The following KDM1A variants were observed in gnomAD, a reference collection of about 807,000 sequenced individuals.
KDM1A encodes lysine demethylase 1A.
Under a neutral mutation model 109.4 loss-of-function variants are expected in KDM1A, and 49 were observed. The observed-to-expected ratio is 0.45, with a 90% CI of 0.36 to 0.57. KDM1A has a LOEUF of 0.57. Among genes scored for constraint, KDM1A ranks in the 20% least tolerant of loss-of-function variants. KDM1A has a pLI of 0.00. For synonymous variants in KDM1A, 380 were observed against 415.4 expected (o/e 0.91, Z 1.04); for missense variants, 668 against 1,116.6 (o/e 0.60, Z 5.73).
At chr1:23,043,803 A>T (rs1642424317) in intron 2 of KDM1A, among the ~76,000 whole-genome samples, 1 of 152,180 alleles carries the variant, frequency 6.6e-6, no homozygotes, top group African/African-American at 2.4e-5. Context: ...TCTCTGTGTT[A>T]CCACAAGTGT....
intron 2 of KDM1A, among the ~76,000 whole-genome samples, chr1:23,032,105 T>C (rs1214265929): frequency 1.3e-5 from 2 of 152,188 alleles, no homozygotes; most frequent in African/African-American, 2.4e-5. Context: ...CTACCTTTGC[T>C]GTAGACCTGC....
rs1643683669 is a variant in KDM1A, at chr1:23,083,549, A to G, written c.*185A>G. 1 of 494,648 alleles carries G rather than the reference A, an allele frequency of 2.0e-6. No homozygotes were observed. The highest frequency in any genetic ancestry group is 3.6e-6 in the Non-Finnish European group (1 of 281,554). 30.6% of individuals were successfully genotyped at this position (494,648 alleles called of 1,614,324 possible). On this transcript the variant is annotated 3_prime_UTR_variant, in exon 21 of 21. Coordinates refer to ENST00000400181, the MANE Select transcript of KDM1A (RefSeq NM_001009999.3). ...TGAATGACCTAGAGCACAGGGAGGAACTTGTCCATTAGTTTGGAATTGTGT... is the reference window on the plus strand; with the variant it reads ...TGAATGACCTAGAGCACAGGGAGGAGCTTGTCCATTAGTTTGGAATTGTGT...
chr1:23,030,621 T>A lies in KDM1A; in HGVS notation c.504T>A (p.Pro168=). ...CTGAGGAAGAAAATGAAAGTGAGCC[T>A]GAAGAACCATCGGGTGAGTTGTAGT... The part of the protein sequence containing the change: ...APPEEENESE[P]EEPSGQAGGL... Residue 168 remains proline, a synonymous_variant, in exon 2 of 21, where the codon CCT becomes CCA. Coordinates refer to ENST00000400181, the MANE Select transcript of KDM1A (RefSeq NM_001009999.3). The A allele has an allele frequency of 1.3e-6, 2 of 1,562,448 alleles. No homozygotes were observed. Among genetic ancestry groups the A allele is most frequent in the East Asian group, 2.3e-5 (1 of 43,390 alleles).
In KDM1A at chr1:23,083,672, A is replaced by AAAC; in HGVS notation, c.*309_*311dup. The AAAC allele has an allele frequency of 4.7e-6, 1 of 212,048 alleles. No individual in the cohort carries two copies. Among genetic ancestry groups the AAAC allele is most frequent in the Non-Finnish European group, 9.3e-6 (1 of 107,808 alleles). The allele number at this position is 212,048 out of a possible 1,614,324, so 13.1% of individuals were successfully genotyped here. On this transcript the variant is annotated 3_prime_UTR_variant, in exon 21 of 21. Transcript: ENST00000400181. ...GTTTTTTTTTTATATTTTGAGAATA[A>AAAC]AACTTCATATAAAATTGGCCCTCTC... is the stretch of plus-strand genomic sequence containing the variant.
intron 9 of KDM1A, among the ~76,000 whole-genome samples, chr1:23,063,210 G>T (rs1643057212): frequency 2.0e-5 from 1 of 51,020 alleles, no homozygotes; most frequent in African/African-American, 7.3e-5. Flanking sequence ...GGGGGGGTGT[G>T]GTGTGGGGTG....
intron 3 of KDM1A, among the ~76,000 whole-genome samples, chr1:23,049,548 G>T (rs1642602278): frequency 6.6e-6 from 1 of 151,930 alleles, no homozygotes; most frequent in African/African-American, 2.4e-5. Flanking sequence ...AGCCAGGCAT[G>T]GGAGCGGGTG....
At chr1:23,070,488 A>C (rs1453173089) in intron 12 of KDM1A, among the ~76,000 whole-genome samples, 1 of 151,420 alleles carries the variant, frequency 6.6e-6, no homozygotes, top group Non-Finnish European at 1.5e-5. Context: ...AAAAAAAAAA[A>C]TTCTTTGACC....
In KDM1A at chr1:23,082,300, T is replaced by C; in HGVS notation, c.2379T>C (p.Ser793=). 2.5e-6 allele frequency: 4 copies of C among 1,614,040 alleles called. No homozygotes were observed. Among genetic ancestry groups the C allele is most frequent in the Non-Finnish European group, 3.4e-6 (4 of 1,179,984 alleles). ...GSYSYVAAGS[S]GNDYDLMAQP... ...ATTCCTATGTTGCTGCAGGATCATCTGGAAATGACTATGATTTAATGGCTC... is the reference window on the plus strand; with the variant it reads ...ATTCCTATGTTGCTGCAGGATCATCCGGAAATGACTATGATTTAATGGCTC... Residue 793 remains serine, a synonymous_variant, in exon 20 of 21, where the codon TCT becomes TCC. Coordinates refer to ENST00000400181, the MANE Select transcript of KDM1A (RefSeq NM_001009999.3).
chr1:23,055,615 T>C (rs998148463), intron 6 of KDM1A, among the ~76,000 whole-genome samples: 1 of 152,158 alleles, frequency 6.6e-6, no homozygotes, highest in Admixed American at 6.5e-5. Flanking sequence ...CCTAATGTAA[T>C]TATGAAGTAA....
At chr1:23,069,938 G>T (rs1643270311) in intron 12 of KDM1A, among the ~76,000 whole-genome samples, 1 of 152,248 alleles carries the variant, frequency 6.6e-6, no homozygotes, top group African/African-American at 2.4e-5. Flanking sequence ...CATACTCTGG[G>T]TGTGCCTGTG....
At chr1:23,062,761 C>T (rs1485725128) in intron 9 of KDM1A, among the ~76,000 whole-genome samples, 2 of 152,070 alleles carry the variant, frequency 1.3e-5, no homozygotes, top group African/African-American at 4.8e-5. Context: ...ATGACCACAA[C>T]AAAGTCTTCC....
rs1385001391 is a variant in KDM1A at position 23,081,659 on chromosome 1, C to T, written c.2298+86C>T. ...ATTTGCAGCATGTTCTTGGTCAGGA[C>T]AGTTTAAGCTAGAATTGAGGTCTGT... On this transcript the variant is annotated intron_variant, in intron 19 of 20. Coordinates refer to ENST00000400181, the MANE Select transcript of KDM1A (RefSeq NM_001009999.3). 1.0e-5 allele frequency: 15 copies of T among 1,482,838 alleles called. No homozygotes were observed. In the Admixed American group the frequency reaches 1.1e-4, roughly 11 times the overall value. The allele number at this position is 1,482,838 out of a possible 1,614,324, so 91.9% of individuals were successfully genotyped here.
At chr1:23,078,968 T>C (rs1314842072) in intron 16 of KDM1A, 22 bp from the exon 17 acceptor site, 2 of 1,604,566 alleles carry the variant, frequency 1.2e-6, no homozygotes, top group African/African-American at 2.7e-5. Context: ...ACCACTAGTC[T>C]TTTCCCACCC....
chr1:23,024,100 C>T (rs938064690), intron 1 of KDM1A, among the ~76,000 whole-genome samples: 1 of 152,200 alleles, frequency 6.6e-6, no homozygotes, highest in African/African-American at 2.4e-5. Flanking sequence ...CCTCCTGCCT[C>T]AGCCTCCCAA....
intron 3 of KDM1A, 44 bp from the exon 4 acceptor site, chr1:23,050,343 A>G: frequency 6.4e-7 from 1 of 1,567,776 alleles, no homozygotes; most frequent in Non-Finnish European, 8.6e-7. Context: ...CCCGTTTTGT[A>G]TTCACTTGCA....
At chr1:23,029,257 A>G (rs1389943681) in intron 1 of KDM1A, among the ~76,000 whole-genome samples, 1 of 152,266 alleles carries the variant, frequency 6.6e-6, no homozygotes, top group Non-Finnish European at 1.5e-5. Flanking sequence ...AATGTAAAAC[A>G]TTAGATATTT....
chr1:23,050,077 T>C (rs1325134965), intron 3 of KDM1A, among the ~76,000 whole-genome samples: 1 of 152,234 alleles, frequency 6.6e-6, no homozygotes. Context: ...TAGTTTTAAA[T>C]TTTATTGTAC....
At chr1:23,024,810 C>G (rs563918150) in intron 1 of KDM1A, among the ~76,000 whole-genome samples, 1 of 152,246 alleles carries the variant, frequency 6.6e-6, no homozygotes, top group Non-Finnish European at 1.5e-5. Context: ...GGTAAATAAG[C>G]CCTACCTTGT....
intron 15 of KDM1A, among the ~76,000 whole-genome samples, chr1:23,075,142 T>A (rs1241273460): frequency 6.6e-6 from 1 of 152,226 alleles, no homozygotes; most frequent in Admixed American, 6.5e-5. Flanking sequence ...CAAAAATAGT[T>A]TTCTTTCGTT....
Sources: allele counts gnomAD v4.1 joint callset (sites outside exome capture counted in the v4.1 genomes callset), GRCh38; gene constraint gnomAD v4.1.1; transcripts MANE v1.5; gene names NCBI Gene and HGNC (gene_info 2026-07-23, HGNC 2026-07-21).